Variants in PLCB1 observed in about 807,000 individuals in gnomAD.
PLCB1 encodes 1-phosphatidylinositol 4,5-bisphosphate phosphodiesterase beta-1.
PLCB1 carries 46 observed loss-of-function variants against 161.8 expected under a neutral mutation model. The observed-to-expected ratio is 0.28, with a 90% CI of 0.22 to 0.36. PLCB1 has a LOEUF of 0.36. PLCB1 is among the 10% of genes least tolerant of loss of function. The pLI, the probability that PLCB1 is intolerant of heterozygous loss-of-function variation, is 1.00. For synonymous variants in PLCB1, 517 were observed against 503.7 expected (o/e 1.03, Z -0.35); for missense variants, 1,016 against 1,472.5 (o/e 0.69, Z 5.07).
chr20:8,453,560 A>T (rs1257579290), intron 3 of PLCB1, among the ~76,000 whole-genome samples: 3 of 152,202 alleles, frequency 2.0e-5, no homozygotes, highest in Non-Finnish European at 4.4e-5. Context: ...TAAAAGAGAA[A>T]CAAGTCCTTG....
intron 31 of PLCB1, among the ~76,000 whole-genome samples, chr20:8,801,472 A>T (rs1984276147): frequency 6.6e-6 from 1 of 152,122 alleles, no homozygotes; most frequent in South Asian, 2.1e-4. Context: ...TCAGAATATA[A>T]GCTCCACAAC....
intron 10 of PLCB1, among the ~76,000 whole-genome samples, chr20:8,694,973 T>C (rs1427473618): frequency 6.6e-6 from 1 of 152,224 alleles, no homozygotes; most frequent in Non-Finnish European, 1.5e-5. Context: ...TTACTCCCAC[T>C]GTCCCCTTGT....
chr20:8,630,920 T>C (rs963931641), intron 4 of PLCB1, among the ~76,000 whole-genome samples: 2 of 152,236 alleles, frequency 1.3e-5, no homozygotes, highest in Admixed American at 6.5e-5. Context: ...GATTTTTATC[T>C]CCAATCCCTG....
At chr20:8,292,143 T>C (rs1206920333) in intron 2 of PLCB1, among the ~76,000 whole-genome samples, 1 of 152,138 alleles carries the variant, frequency 6.6e-6, no homozygotes, top group Non-Finnish European at 1.5e-5. Context: ...GGAGCTAAAG[T>C]TCTAGAAAAA....
chr20:8,682,909 G>T (rs962719836), intron 9 of PLCB1, among the ~76,000 whole-genome samples: 6 of 151,968 alleles, frequency 3.9e-5, no homozygotes, highest in African/African-American at 1.4e-4. Context: ...AAATAATTAA[G>T]TATTTATACA....
At chr20:8,635,864 A>C (rs1249298225) in intron 4 of PLCB1, among the ~76,000 whole-genome samples, 1 of 152,206 alleles carries the variant, frequency 6.6e-6, no homozygotes, top group Non-Finnish European at 1.5e-5. Context: ...GAGTTGCCCT[A>C]AAATAATAGT....
At chr20:8,727,192 A>G (rs2123487503) in intron 16 of PLCB1, 117 bp from the exon 17 acceptor site, 2 of 545,532 alleles carry the variant, frequency 3.7e-6, no homozygotes, top group Non-Finnish European at 6.5e-6. Context: ...TACATTGAGG[A>G]TTATTTGCCC....
intron 31 of PLCB1, chr20:8,792,914 C>T: frequency 3.5e-6 from 1 of 289,012 alleles, no homozygotes; most frequent in South Asian, 3.6e-5. Flanking sequence ...CACAGGACAG[C>T]AAAGTAGGTA....
intron 23 of PLCB1, among the ~76,000 whole-genome samples, chr20:8,745,462 C>T (rs1483865070): frequency 6.6e-6 from 1 of 152,022 alleles, no homozygotes; most frequent in Non-Finnish European, 1.5e-5. Context: ...AAAATATTAC[C>T]AGATGTTTAA....
intron 3 of PLCB1, among the ~76,000 whole-genome samples, chr20:8,587,992 A>T (rs1443341415): frequency 6.6e-6 from 1 of 152,200 alleles, no homozygotes; most frequent in Non-Finnish European, 1.5e-5. Context: ...AACTTGTGAA[A>T]CCAAGTCTGT....
chr20:8,859,063 G>GC (rs1987165913), intron 31 of PLCB1, among the ~76,000 whole-genome samples: 1 of 152,122 alleles, frequency 6.6e-6, no homozygotes, highest in Non-Finnish European at 1.5e-5. Flanking sequence ...CAACTCAGAA[G>GC]CCCTGAGGTT....
At position 8,445,738 on chromosome 20, in the gene PLCB1, A is replaced by G. The variant is rs916031397; in HGVS notation, c.246+74288A>G. Among the ~76,000 whole-genome samples, 4 of 151,770 alleles carry G rather than the reference A, an allele frequency of 2.6e-5. No individual in the cohort carries two copies. In the South Asian group the frequency reaches 6.3e-4, roughly 24 times the overall value. ...TTTATTTCGTTGAGCAGTGGTTTCT[A>G]GTTCTCCTTGAAGAGGTCCTTCACA... On this transcript the variant is annotated intron_variant, in intron 3 of 31. Coordinates refer to ENST00000338037, the MANE Select transcript of PLCB1 (RefSeq NM_015192.4).
At chr20:8,174,093 C>T (rs2051758904) in intron 2 of PLCB1, among the ~76,000 whole-genome samples, 1 of 152,088 alleles carries the variant, frequency 6.6e-6, no homozygotes, top group African/African-American at 2.4e-5. Context: ...TAAATCATGG[C>T]TGAAAATGTC....
chr20:8,296,163 T>C (rs569273509), intron 2 of PLCB1, among the ~76,000 whole-genome samples: 1 of 152,192 alleles, frequency 6.6e-6, no homozygotes, highest in African/African-American at 2.4e-5. Context: ...CTGTCAGTAA[T>C]TAGCCATTGA....
At chr20:8,172,910 A>G (rs375448825) in intron 2 of PLCB1, among the ~76,000 whole-genome samples, 1 of 152,154 alleles carries the variant, frequency 6.6e-6, no homozygotes, top group Middle Eastern at 3.2e-3. Context: ...GCATTTTACA[A>G]CCTGTGACCT....
rs75005162 is a variant in PLCB1, at chr20:8,632,518, G to A, written c.384+4087G>A. On this transcript the variant is annotated intron_variant, in intron 4 of 31. Transcript: ENST00000338037. ...TAAGTAAAATAAAGAAGTCAGCCAC[G>A]CAGTGTATTAGGAAGAGAGTGATAT... Among the ~76,000 whole-genome samples the A allele has an allele frequency of 5.9e-3, 893 of 152,194 alleles. 10 individuals are homozygous for A. The highest frequency in any genetic ancestry group is 0.02 in the African/African-American group (840 of 41,534).
chr20:8,566,591 C>T (rs1326243583), intron 3 of PLCB1, among the ~76,000 whole-genome samples: 1 of 152,030 alleles, frequency 6.6e-6, no homozygotes, highest in Non-Finnish European at 1.5e-5. Context: ...TATGTTCCAG[C>T]TTTGTTTTGC....
intron 11 of PLCB1, among the ~76,000 whole-genome samples, chr20:8,703,797 G>C (rs1357323217): frequency 6.6e-6 from 1 of 152,130 alleles, no homozygotes; most frequent in Non-Finnish European, 1.5e-5. Flanking sequence ...CCAGGAAGAT[G>C]GGGGGCATGG....
chr20:8,841,574 CCT>C (rs1438708055), intron 31 of PLCB1, among the ~76,000 whole-genome samples: 1 of 152,212 alleles, frequency 6.6e-6, no homozygotes, highest in Non-Finnish European at 1.5e-5. Flanking sequence ...TGCCTTCCTA[CCT>C]CTGTCTTTCC....
Sources: allele counts gnomAD v4.1 joint callset (sites outside exome capture counted in the v4.1 genomes callset), GRCh38; gene constraint gnomAD v4.1.1; transcripts MANE v1.5; gene names NCBI Gene and HGNC (gene_info 2026-07-23, HGNC 2026-07-21).